The following SLC24A3 variants were observed in gnomAD, a reference collection of about 807,000 sequenced individuals.
The protein encoded by SLC24A3 is solute carrier family 24 member 3.
SLC24A3 carries 28 observed loss-of-function variants against 75.8 expected under a neutral mutation model. The observed-to-expected ratio is 0.37, with a 90% confidence interval of 0.27 to 0.51. The LOEUF is 0.51. Ranked by LOEUF, SLC24A3 falls within the 20% of genes least tolerant of loss-of-function variation. The pLI is 0.94. For missense variants in SLC24A3, 663 were observed against 847.8 expected (o/e 0.78, Z 2.71); for synonymous variants, 372 against 334.1 (o/e 1.11, Z -1.24).
intron 2 of SLC24A3, among the ~76,000 whole-genome samples, chr20:19,378,810 G>A (rs1986131123): frequency 1.3e-5 from 2 of 151,654 alleles, no homozygotes; most frequent in South Asian, 4.2e-4. Flanking sequence ...AGATCTTGGG[G>A]AAAAGCAATC....
At position 19,666,616 on chromosome 20, in the gene SLC24A3, TC is replaced by T. The variant is rs1416402502; in HGVS notation, c.713+732del. 7.9e-5 allele frequency among the ~76,000 whole-genome samples: 12 copies of T among 152,198 alleles called. No individual in the cohort carries two copies. The East Asian group carries it at 1.9e-3, about 25-fold the overall frequency. ...TCTGTGACCATTAATCCATTAAAGT[TC>T]CCCCTGACTTTCAAAAGATCTTAGA... On this transcript the variant is annotated intron_variant, in intron 8 of 16. Transcript: ENST00000328041.
In SLC24A3 at chr20:19,247,989, G is replaced by A. The variant is rs151155035; in HGVS notation, c.143-32970G>A. Among the ~76,000 whole-genome samples the A allele has an allele frequency of 2.6e-3, 397 of 152,274 alleles. 1 individual carries two copies. The highest frequency in any genetic ancestry group is 9.0e-3 in the African/African-American group (376 of 41,550). The stretch of plus-strand genomic sequence containing the variant: ...TGTCCTCTACCTTAGATGATTGAGA[G>A]TATTCCATGGAGAAACCCATCCTTT... On this transcript the variant is annotated intron_variant, in intron 1 of 16. Transcript: ENST00000328041.
intron 9 of SLC24A3, among the ~76,000 whole-genome samples, chr20:19,677,982 G>T (rs2032547836): frequency 6.6e-6 from 1 of 151,698 alleles, no homozygotes; most frequent in Admixed American, 6.6e-5. Flanking sequence ...ATTTAACCCT[G>T]AGTGGACACA....
intron 3 of SLC24A3, among the ~76,000 whole-genome samples, chr20:19,576,442 A>G (rs2031135928): frequency 6.6e-6 from 1 of 152,138 alleles, no homozygotes; most frequent in African/African-American, 2.4e-5. Context: ...AGAGACTTAG[A>G]GCAGAGTGTT....
intron 2 of SLC24A3, among the ~76,000 whole-genome samples, chr20:19,438,899 C>G (rs948215873): frequency 5.9e-5 from 9 of 152,264 alleles, no homozygotes; most frequent in Middle Eastern, 3.2e-3. Context: ...TGCTTTTGAC[C>G]TCTGCATCCT....
chr20:19,213,153 C>T (rs1425806890), intron 1 of SLC24A3, 169 bp downstream of exon 1: 1 of 730,130 alleles, frequency 1.4e-6, no homozygotes, highest in Admixed American at 4.8e-5. Flanking sequence ...CTGCCCCACG[C>T]AGAGGCATGG....
In SLC24A3 at chr20:19,529,970, T is replaced by C. The variant is rs1403228072; in HGVS notation, c.348+14406T>C. 2.6e-5 allele frequency among the ~76,000 whole-genome samples: 4 copies of C among 152,182 alleles called. No homozygotes were observed. In the East Asian group the frequency reaches 5.8e-4, roughly 22 times the overall value. ...CCCTTCCTATAGTAAATAGACTATA[T>C]AGTAGATAGACTGAGTCAGCTCAGA... On this transcript the variant is annotated intron_variant, in intron 3 of 16. Transcript: ENST00000328041.
intron 2 of SLC24A3, among the ~76,000 whole-genome samples, chr20:19,348,775 G>A (rs545989045): frequency 3.3e-5 from 5 of 152,120 alleles, no homozygotes; most frequent in Non-Finnish European, 7.4e-5. Context: ...TGCACACACA[G>A]ACTGCTTGCT....
chr20:19,522,715 G>A (rs894515817), intron 3 of SLC24A3, among the ~76,000 whole-genome samples: 2 of 152,102 alleles, frequency 1.3e-5, no homozygotes, highest in African/African-American at 2.4e-5. Flanking sequence ...AGAACGGGGT[G>A]GCGCAGGAGG....
chr20:19,345,048 T>C (rs1414161992), intron 2 of SLC24A3, among the ~76,000 whole-genome samples: 3 of 152,196 alleles, frequency 2.0e-5, no homozygotes, highest in Admixed American at 6.6e-5. Context: ...AAACTGGTTT[T>C]GTTCACAGCT....
chr20:19,589,367 A>G (rs1372613467), intron 6 of SLC24A3, among the ~76,000 whole-genome samples: 1 of 152,234 alleles, frequency 6.6e-6, no homozygotes, highest in Admixed American at 6.5e-5. Flanking sequence ...TCCATCATTC[A>G]TTGGTTAAAG....
chr20:19,523,816 A>C (rs527658887), intron 3 of SLC24A3, among the ~76,000 whole-genome samples: 1 of 152,186 alleles, frequency 6.6e-6, no homozygotes, highest in Non-Finnish European at 1.5e-5. Flanking sequence ...AGTGTCTGGC[A>C]CTGAATAGAC....
chr20:19,584,912 C>A lies in SLC24A3; in HGVS notation c.424-59C>A, dbSNP rs934922854. On this transcript the variant is annotated intron_variant, in intron 4 of 16. Coordinates refer to ENST00000328041, the MANE Select transcript of SLC24A3 (RefSeq NM_020689.4). Reference sequence around the variant, plus strand: ...GGCTTGGACTCTCGGGTGTCACAGTCACCTCTCTTCCGAGATGGAATCCCA... The same window carrying A: ...GGCTTGGACTCTCGGGTGTCACAGTAACCTCTCTTCCGAGATGGAATCCCA... 3 of 1,511,612 alleles carry A rather than the reference C, an allele frequency of 2.0e-6. No individual in the cohort carries two copies. The South Asian group carries it at 3.5e-5, about 18-fold the overall frequency. 93.6% of individuals were successfully genotyped at this position (1,511,612 alleles called of 1,614,324 possible). A position where few individuals can be genotyped will look rare whatever the true frequency, so the allele number is the denominator to read the frequency against.
chr20:19,705,867 G>T (rs1198784579), intron 15 of SLC24A3, among the ~76,000 whole-genome samples: 1 of 152,202 alleles, frequency 6.6e-6, no homozygotes, highest in East Asian at 1.9e-4. Flanking sequence ...GGCTTGCTCA[G>T]AAGGCAGCTA....
intron 3 of SLC24A3, among the ~76,000 whole-genome samples, chr20:19,522,530 G>T (rs887371925): frequency 1.3e-5 from 2 of 152,200 alleles, no homozygotes; most frequent in African/African-American, 4.8e-5. Context: ...CAATAAAGTG[G>T]GAACGCATGG....
At chr20:19,341,192 A>T (rs1045525650) in intron 2 of SLC24A3, among the ~76,000 whole-genome samples, 2 of 152,240 alleles carry the variant, frequency 1.3e-5, no homozygotes, top group Non-Finnish European at 2.9e-5. Flanking sequence ...TACCCACCAC[A>T]GTAGGCAAAC....
At chr20:19,629,281 G>A (rs988701362) in intron 6 of SLC24A3, among the ~76,000 whole-genome samples, 1 of 151,982 alleles carries the variant, frequency 6.6e-6, no homozygotes, top group Non-Finnish European at 1.5e-5. Flanking sequence ...CACCAGAAGG[G>A]ATCAACAGTA....
chr20:19,291,461 C>T (rs1488759571), intron 2 of SLC24A3, among the ~76,000 whole-genome samples: 4 of 152,152 alleles, frequency 2.6e-5, no homozygotes, highest in Non-Finnish European at 5.9e-5. Flanking sequence ...GGTTTGTGTG[C>T]CCTGGAGTAG....
Position 19,319,526 on chromosome 20 carries a change from G to A in SLC24A3, c.271+38439G>A, listed in dbSNP as rs146605419. On this transcript the variant is annotated intron_variant, in intron 2 of 16. Transcript: ENST00000328041. The stretch of plus-strand genomic sequence containing the variant: ...ATGCATTGAACTGATACTTCTGCGG[G>A]TGTGGCTTCAAGACATGCTAGAGAT... Among the ~76,000 whole-genome samples the A allele has an allele frequency of 2.5e-3, 381 of 152,328 alleles. 4 individuals carry two copies. Among genetic ancestry groups the A allele is most frequent in the African/African-American group, 8.8e-3 (366 of 41,560 alleles).
Sources: allele counts gnomAD v4.1 joint callset (sites outside exome capture counted in the v4.1 genomes callset), GRCh38; gene constraint gnomAD v4.1.1; transcripts MANE v1.5; gene names NCBI Gene and HGNC (gene_info 2026-07-23, HGNC 2026-07-21).